The following TCF3 variants were observed in gnomAD, a reference collection of about 807,000 sequenced individuals.
The protein encoded by TCF3 is transcription factor E2-alpha.
In TCF3, 54 loss-of-function variants were observed where a neutral mutation model predicts 72.3. The ratio of observed to expected loss-of-function variants is 0.75; its 90% CI spans 0.60 to 0.94. TCF3 has a LOEUF of 0.94. TCF3 is among the 40% of genes least tolerant of loss of function. The pLI is 0.00. For synonymous variants in TCF3, 525 were observed against 412.6 expected (o/e 1.27, Z -3.30); for missense variants, 1,078 against 934.4 (o/e 1.15, Z -2.00).
At chr19:1,613,943 A>T (rs2061293511) in intron 18 of TCF3, among the ~76,000 whole-genome samples, 1 of 152,236 alleles carries the variant, frequency 6.6e-6, no homozygotes, top group South Asian at 2.1e-4. Context: ...TCTCCAGCCG[A>T]GCAGCATGCA....
rs908225712 is a variant in TCF3 at position 1,611,210 on chromosome 19, G to C, written c.*497C>G. ...TTATTTTCCTTAAAAAAAATATTTCGCTTAGGCACAATTTGCTGGTGGCTT... is the reference window on the plus strand; with the variant it reads ...TTATTTTCCTTAAAAAAAATATTTCCCTTAGGCACAATTTGCTGGTGGCTT... On this transcript the variant is annotated 3_prime_UTR_variant, in exon 19 of 19. Coordinates refer to ENST00000262965, the MANE Select transcript of TCF3 (RefSeq NM_003200.5). 1 of 266,768 alleles carries C rather than the reference G, an allele frequency of 3.7e-6. No individual in the cohort carries two copies. Among genetic ancestry groups the C allele is most frequent in the South Asian group, 1.7e-4 (1 of 5,830 alleles). 16.5% of individuals were successfully genotyped at this position (266,768 alleles called of 1,614,324 possible).
chr19:1,631,878 T>TCC (rs148730175), intron 5 of TCF3, 160 bp downstream of exon 5: 1 of 1,518,058 alleles, frequency 6.6e-7, no homozygotes, highest in East Asian at 2.5e-5. Flanking sequence ...CCCCTGCACC[T>TCC]CCCCGCAGCT....
chr19:1,627,209 CAGCCCACCCTGGCCCA>C (rs2062993229), intron 6 of TCF3, 134 bp downstream of exon 6: 1 of 480,242 alleles, frequency 2.1e-6, no homozygotes, highest in East Asian at 3.8e-5. Flanking sequence ...CACACCCACC[CAGCCCACCCTGGCCCA>C]AGCCCAGCCT....
chr19:1,618,400 T>A (rs1356195687), intron 16 of TCF3, among the ~76,000 whole-genome samples: 1 of 152,046 alleles, frequency 6.6e-6, no homozygotes, highest in Non-Finnish European at 1.5e-5. Context: ...AGCACCTGGG[T>A]CAGGTCCCAT....
intron 1 of TCF3, chr19:1,651,095 C>G (rs1368092128): frequency 4.3e-6 from 1 of 232,276 alleles, no homozygotes; most frequent in African/African-American, 2.2e-5. Flanking sequence ...AGGGTGCTCC[C>G]GCGTGGTCCC....
In TCF3 at chr19:1,619,981, C is replaced by T. The variant is rs541901731; in HGVS notation, c.1094-128G>A. The T allele has an allele frequency of 2.7e-4, 216 of 805,914 alleles. 1 individual carries two copies. Among genetic ancestry groups the T allele is most frequent in the African/African-American group, 2.0e-3 (114 of 58,420 alleles). 49.9% of individuals were successfully genotyped at this position (805,914 alleles called of 1,614,324 possible). ...CCGGTGATGCCCAAGATGGCCATTC[C>T]GGGGCACCCCACACTGATGCAAAGC... On this transcript the variant is annotated intron_variant, in intron 13 of 18. Transcript: ENST00000262965.
intron 13 of TCF3, 129 bp from the exon 14 acceptor site, chr19:1,619,982 G>A (rs189482725): frequency 5.8e-5 from 47 of 806,088 alleles, no homozygotes; most frequent in Admixed American, 2.8e-4. Flanking sequence ...TGGCCATTCC[G>A]GGGCACCCCA....
At chr19:1,618,410 TCCCTCCTCAG>T (rs1171545932) in intron 16 of TCF3, among the ~76,000 whole-genome samples, 1 of 151,938 alleles carries the variant, frequency 6.6e-6, no homozygotes, top group Non-Finnish European at 1.5e-5. Flanking sequence ...TCAGGTCCCA[TCCCTCCTCAG>T]CCCTCCACGG....
At chr19:1,627,300 G>A (rs1453788417) in intron 6 of TCF3, 59 bp downstream of exon 6, 41 of 1,450,354 alleles carry the variant, frequency 2.8e-5, no homozygotes, top group Middle Eastern at 4.0e-4. Flanking sequence ...GATCAGAGAG[G>A]GTGGGTGACA....
chr19:1,612,063 G>T, intron 18 of TCF3: 1 of 876,586 alleles, frequency 1.1e-6, no homozygotes, highest in Non-Finnish European at 1.7e-6. Context: ...GGGGGTGTCT[G>T]GGGAACATCA....
chr19:1,638,434 C>T (rs1269981995), intron 3 of TCF3, among the ~76,000 whole-genome samples: 1 of 152,164 alleles, frequency 6.6e-6, no homozygotes, highest in Non-Finnish European at 1.5e-5. Context: ...AGGCGCCCAC[C>T]ACCGCGCCCG....
intron 7 of TCF3, among the ~76,000 whole-genome samples, chr19:1,625,259 G>A (rs1028490444): frequency 5.9e-5 from 9 of 152,228 alleles, no homozygotes; most frequent in African/African-American, 2.2e-4. Flanking sequence ...AGGGCTCAGT[G>A]CAGAGGAGCC....
At position 1,623,975 on chromosome 19, in the gene TCF3, C is replaced by T. The variant is rs147267815; in HGVS notation, c.525G>A (p.Lys175=). The T allele has an allele frequency of 7.4e-5, 119 of 1,613,550 alleles. 1 individual carries two copies. The East Asian group carries it at 1.7e-3, about 23-fold the overall frequency. Reference sequence around the variant, plus strand: ...CCGAGGATGGAAGACCCGGCGGGACCTTCCGGACCTTCTTGGGCTGCGTGT... The same window carrying T: ...CCGAGGATGGAAGACCCGGCGGGACTTTCCGGACCTTCTTGGGCTGCGTGT... ...SLDTQPKKVR[K]VPPGLPSSVY... is the part of the protein sequence containing the mutation. Residue 175 remains lysine (K), a synonymous_variant, in exon 8 of 19, where the codon AAG becomes AAA. Transcript: ENST00000262965.
At chr19:1,624,653 C>T (rs774311714) in intron 7 of TCF3, among the ~76,000 whole-genome samples, 4 of 152,138 alleles carry the variant, frequency 2.6e-5, no homozygotes, top group Admixed American at 6.5e-5. Context: ...GGATAAAATC[C>T]GTAACCCGGA....
chr19:1,634,392 G>A (rs1441051894), intron 3 of TCF3, among the ~76,000 whole-genome samples: 1 of 152,240 alleles, frequency 6.6e-6, no homozygotes, highest in African/African-American at 2.4e-5. Flanking sequence ...GCACCTTCCT[G>A]CCCTGGGCCA....
chr19:1,626,873 G>A (rs867027706), intron 6 of TCF3, among the ~76,000 whole-genome samples: 7 of 152,190 alleles, frequency 4.6e-5, no homozygotes, highest in Admixed American at 2.6e-4. Flanking sequence ...AGCTGACGGC[G>A]GGGACAGAGA....
chr19:1,651,635 C>CG (rs898397702), intron 1 of TCF3, among the ~76,000 whole-genome samples: 1 of 152,058 alleles, frequency 6.6e-6, no homozygotes, highest in Non-Finnish European at 1.5e-5. Flanking sequence ...GCGCCGAAGG[C>CG]GGGGGGCGCG....
intron 3 of TCF3, among the ~76,000 whole-genome samples, chr19:1,633,057 C>G (rs758400940): frequency 6.7e-6 from 1 of 150,322 alleles, no homozygotes; most frequent in Admixed American, 6.6e-5. Context: ...GAGTTCCCGG[C>G]GCAGCAAGGG....
At chr19:1,647,832 G>A (rs1022873254) in intron 2 of TCF3, among the ~76,000 whole-genome samples, 1 of 152,212 alleles carries the variant, frequency 6.6e-6, no homozygotes, top group Non-Finnish European at 1.5e-5. Context: ...AACAGCCCCC[G>A]CACCCCTTGG....
Sources: gnomAD v4.1 joint callset for allele counts (sites outside exome capture counted in the v4.1 genomes callset) on GRCh38, gnomAD v4.1.1 for gene constraint, MANE v1.5 for transcripts, NCBI Gene and HGNC (gene_info 2026-07-23, HGNC 2026-07-21) for gene names.